The following SAMSN1 variants were observed in gnomAD, a reference collection of about 807,000 sequenced individuals.
The protein encoded by SAMSN1 is SAM domain-containing protein SAMSN-1.
In SAMSN1, 31 loss-of-function variants were observed where a neutral mutation model predicts 42.0. The observed-to-expected ratio is 0.74, with a 90% CI of 0.55 to 1.00. The LOEUF (loss-of-function observed/expected upper bound fraction) is 1.00. Ranked by LOEUF, SAMSN1 falls within the 50% of genes least tolerant of loss-of-function variation. The probability of loss-of-function intolerance (pLI) is 0.00; values close to 1 mark genes in which losing one functional copy is unlikely to be tolerated. For synonymous variants in SAMSN1, 178 were observed against 151.9 expected, an observed-to-expected ratio of 1.17 and a Z score of -1.26; for missense variants, 464 against 439.4, an observed-to-expected ratio of 1.06 and a Z score of -0.50.
At chr21:14,534,321 T>C (rs1250795379) in intron 1 of SAMSN1, among the ~76,000 whole-genome samples, 1 of 152,160 alleles carries the variant, frequency 6.6e-6, no homozygotes, top group Non-Finnish European at 1.5e-5. Context: ...TAGACCGAGT[T>C]CAATCCCTCT....
intron 2 of SAMSN1, among the ~76,000 whole-genome samples, chr21:14,556,826 C>T (rs1042359973): frequency 2.6e-5 from 4 of 152,112 alleles, no homozygotes; most frequent in Admixed American, 6.5e-5. Context: ...TATTTTTTCT[C>T]AAATAAGAAA....
chr21:14,577,235 TGTG>T (rs1981505382), intron 2 of SAMSN1, among the ~76,000 whole-genome samples: 1 of 22,316 alleles, frequency 4.5e-5, no homozygotes, highest in Non-Finnish European at 6.1e-5. Flanking sequence ...TATATATATG[TGTG>T]TATATATATA....
At chr21:14,546,105 G>A (rs1024985207) in intron 1 of SAMSN1, 100 bp downstream of exon 1, 4 of 1,046,696 alleles carry the variant, frequency 3.8e-6, no homozygotes, top group Non-Finnish European at 5.6e-6. Flanking sequence ...TTTGACTTAT[G>A]ACTGACAGAT....
At chr21:14,486,969 C>T (rs1164573523) in intron 7 of SAMSN1, among the ~76,000 whole-genome samples, 2 of 152,172 alleles carry the variant, frequency 1.3e-5, no homozygotes, top group Non-Finnish European at 2.9e-5. Context: ...ATTCCTTTAG[C>T]GTCAACTTTC....
At chr21:14,576,478 A>G (rs572409660) in intron 2 of SAMSN1, among the ~76,000 whole-genome samples, 1 of 152,298 alleles carries the variant, frequency 6.6e-6, no homozygotes, top group South Asian at 2.1e-4. Flanking sequence ...TAAAACTTTT[A>G]TACAACTCAA....
At chr21:14,649,173 C>G (rs1316800567) in intron 1 of SAMSN1, among the ~76,000 whole-genome samples, 1 of 149,700 alleles carries the variant, frequency 6.7e-6, no homozygotes, top group Non-Finnish European at 1.5e-5. Context: ...ATCACAAGAA[C>G]AAAAAACCCA....
chr21:14,591,046 TA>T (rs1982068258), intron 7 of SAMSN1, among the ~76,000 whole-genome samples: 1 of 152,188 alleles, frequency 6.6e-6, no homozygotes, highest in Admixed American at 6.6e-5. Flanking sequence ...AAAGACAATT[TA>T]AGATAATTTA....
Position 14,521,178 on chromosome 21 carries a change from G to T in SAMSN1, c.101C>A (p.Ser34Tyr), listed in dbSNP as rs758793988. ...FGNFDRFRNN[S>Y]LSKPDDSTEA... is the part of the protein sequence containing the mutation. ...AGTTGAATCATCTGGTTTTGATAAA[G>T]AATTATTCCGAAAACGATCGAAATT... The change falls in exon 2 of 8, where the codon TCT (serine) becomes TAT (tyrosine). Residue 34 changes from serine (S) to tyrosine (Y), a missense_variant. By Grantham distance (144) the Ser-to-Tyr change is moderately radical (BLOSUM62 -2). Coordinates refer to ENST00000400566, the MANE Select transcript of SAMSN1 (RefSeq NM_022136.5). 1 of 1,610,604 alleles carries T rather than the reference G, an allele frequency of 6.2e-7. No individual in the cohort carries two copies. The highest frequency in any genetic ancestry group is 2.2e-5 in the East Asian group (1 of 44,754).
chr21:14,516,054 G>A (rs75378734), intron 3 of SAMSN1, among the ~76,000 whole-genome samples: 1,568 of 152,278 alleles, frequency 0.01, 59 homozygotes, highest in East Asian at 0.085. Context: ...CTCATACATT[G>A]TTGATGGGAA....
intron 2 of SAMSN1, among the ~76,000 whole-genome samples, chr21:14,552,364 G>A (rs1980626806): frequency 6.6e-6 from 1 of 152,094 alleles, no homozygotes; most frequent in Non-Finnish European, 1.5e-5. Context: ...AAATTCATAT[G>A]TTGGAATTCT....
At chr21:14,648,133 T>C (rs1457808526) in intron 1 of SAMSN1, among the ~76,000 whole-genome samples, 1 of 151,822 alleles carries the variant, frequency 6.6e-6, no homozygotes, top group Non-Finnish European at 1.5e-5. Context: ...TTGTCATAGA[T>C]AGCTCTTATT....
At chr21:14,652,662 G>T (rs1022381247) in intron 1 of SAMSN1, among the ~76,000 whole-genome samples, 2 of 151,876 alleles carry the variant, frequency 1.3e-5, no homozygotes, top group Non-Finnish European at 2.9e-5. Context: ...ACAACTATAG[G>T]CAACCAAAGC....
intron 2 of SAMSN1, among the ~76,000 whole-genome samples, chr21:14,626,325 C>A (rs1983169079): frequency 6.6e-6 from 1 of 152,128 alleles, no homozygotes; most frequent in Non-Finnish European, 1.5e-5. Context: ...AAGAAACTAC[C>A]ATCAGAGTGA....
chr21:14,615,901 G>T, intron 3 of SAMSN1: 2 of 323,358 alleles, frequency 6.2e-6, no homozygotes, highest in South Asian at 1.4e-4. Context: ...ACTTTGGCAC[G>T]AAGTCCACTA....
At position 14,598,538 on chromosome 21, in the gene SAMSN1, G is replaced by T. The variant is rs370735530; in HGVS notation, c.399+3485C>A. Among the ~76,000 whole-genome samples, 114 of 152,208 alleles carry T rather than the reference G, an allele frequency of 7.5e-4. 1 individual carries two copies. In the South Asian group the frequency reaches 7.9e-3, roughly 11 times the overall value. On this transcript the variant is annotated intron_variant, in intron 6 of 15. Coordinates refer to the SAMSN1 transcript ENST00000647101. The stretch of plus-strand genomic sequence containing the variant: ...CCATCAGCACTTCTTCCACAAGCCT[G>T]GTTCTCCAGGAAGTTTATCCCGGGC...
intron 7 of SAMSN1, among the ~76,000 whole-genome samples, chr21:14,490,333 C>A (rs1249414445): frequency 6.6e-6 from 1 of 152,196 alleles, no homozygotes; most frequent in Non-Finnish European, 1.5e-5. Context: ...TCAGCTCCAT[C>A]AATCATCCTC....
At chr21:14,550,847 T>C (rs1183945125), upstream of SAMSN1, among the ~76,000 whole-genome samples, 2 of 152,168 alleles carry the variant, frequency 1.3e-5, no homozygotes, top group African/African-American at 4.8e-5. Context: ...CCAGACAAGA[T>C]AATCTATTGC....
At chr21:14,528,501 C>G (rs1207688654) in intron 1 of SAMSN1, among the ~76,000 whole-genome samples, 1 of 152,140 alleles carries the variant, frequency 6.6e-6, no homozygotes, top group African/African-American at 2.4e-5. Flanking sequence ...ATGTCCTGCT[C>G]CCCTGAGGAT....
intron 3 of SAMSN1, among the ~76,000 whole-genome samples, chr21:14,614,930 G>C (rs976449165): frequency 3.3e-5 from 5 of 152,106 alleles, no homozygotes; most frequent in Non-Finnish European, 5.9e-5. Context: ...TTGTAAATTG[G>C]TCATCATCAG....
Sources: allele counts gnomAD v4.1 joint callset (sites outside exome capture counted in the v4.1 genomes callset), GRCh38; gene constraint gnomAD v4.1.1; transcripts MANE v1.5; gene names NCBI Gene and HGNC (gene_info 2026-07-23, HGNC 2026-07-21).